The following CALHM2 variants were observed in gnomAD, a reference collection of about 807,000 sequenced individuals.
CALHM2 encodes the protein calcium homeostasis modulator protein 2.
Under a neutral mutation model 20.4 loss-of-function variants are expected in CALHM2, and 18 were observed. The ratio of observed to expected loss-of-function variants is 0.88; its 90% CI spans 0.61 to 1.31. CALHM2 has a LOEUF of 1.31. CALHM2 is among the 50% of genes most tolerant of loss of function. CALHM2 has a pLI of 0.00. For synonymous variants in CALHM2, 193 were observed against 192.1 expected, an observed-to-expected ratio of 1.00 and a Z score of -0.04; for missense variants, 411 against 435.7, an observed-to-expected ratio of 0.94 and a Z score of 0.50.
chr10:103,449,340 C>T, intron 3 of CALHM2, 47 bp downstream of exon 3: 1 of 1,561,824 alleles, frequency 6.4e-7, no homozygotes, highest in Non-Finnish European at 8.8e-7. Context: ...GGACCTCTCA[C>T]CAGCCACCAC....
chr10:103,451,802 T>C (rs183413174), intron 1 of CALHM2: 3 of 152,816 alleles, frequency 2.0e-5, no homozygotes, highest in Non-Finnish European at 2.9e-5. Context: ...TTTTCCCTTC[T>C]TGGCTTCTAG....
chr10:103,451,320 G>A (rs926018160), intron 1 of CALHM2, 35 bp from the exon 2 acceptor site: 6 of 152,518 alleles, frequency 3.9e-5, no homozygotes, highest in African/African-American at 1.4e-4. Flanking sequence ...GGGCAACAGC[G>A]AAGTTTAGCC....
chr10:103,447,398 G>T lies in CALHM2; in HGVS notation c.726C>A (p.Leu242=). The stretch of plus-strand genomic sequence containing the variant: ...AGAAGCGGCGCACATTGTTGGCAGC[G>T]AGCACCCGAGAGTGCACCTCGGCCG... ...QRTAEVHSRV[L]AANNVRRFFG... Residue 242 remains leucine, a synonymous_variant, in exon 4 of 4, where the codon CTC becomes CTA. Coordinates refer to ENST00000260743, the MANE Select transcript of CALHM2 (RefSeq NM_015916.5). 1 of 1,614,068 alleles carries T rather than the reference G, an allele frequency of 6.2e-7. No homozygotes were observed. Among genetic ancestry groups the T allele is most frequent in the Non-Finnish European group, 8.5e-7 (1 of 1,179,916 alleles).
At chr10:103,449,327 C>T (rs2032835954) in intron 3 of CALHM2, 60 bp downstream of exon 3, 2 of 1,472,984 alleles carry the variant, frequency 1.4e-6, no homozygotes, top group Non-Finnish European at 1.9e-6. Context: ...CTAGGCCATC[C>T]CCGGACCTCT....
intron 3 of CALHM2, among the ~76,000 whole-genome samples, chr10:103,448,548 C>T (rs533929310): frequency 2.0e-5 from 3 of 151,696 alleles, no homozygotes; most frequent in Non-Finnish European, 4.4e-5. Flanking sequence ...GGCGAAACCC[C>T]ATCTCTACTA....
chr10:103,447,450 G>T lies in CALHM2; in HGVS notation c.674C>A (p.Ala225Asp). ...RQEAYWAQYR[A>D]NEDQLFQRTA... ...GCGCTGGAACAGCTGGTCCTCATTG[G>T]CGCGGTACTGCGCCCAGTAGGCCTC... Residue 225 changes from alanine to aspartate, a missense_variant, in exon 4 of 4, where the codon GCC becomes GAC. By Grantham distance (126) the Ala-to-Asp change is moderately radical (BLOSUM62 -2). Transcript: ENST00000260743. The T allele has an allele frequency of 6.2e-7, 1 of 1,614,144 alleles. No homozygotes were observed. Among genetic ancestry groups the T allele is most frequent in the Non-Finnish European group, 8.5e-7 (1 of 1,179,988 alleles).
rs2032666108 is a variant in CALHM2, at chr10:103,447,080, G to C, written c.*72C>G. 1.4e-6 allele frequency: 2 copies of C among 1,418,810 alleles called. No individual in the cohort carries two copies. Among genetic ancestry groups the C allele is most frequent in the Admixed American group, 2.2e-5 (1 of 45,344 alleles). 87.9% of individuals were successfully genotyped at this position (1,418,810 alleles called of 1,614,324 possible). On this transcript the variant is annotated 3_prime_UTR_variant, in exon 4 of 4. Coordinates refer to ENST00000260743, the MANE Select transcript of CALHM2 (RefSeq NM_015916.5). Reference sequence around the variant, plus strand: ...TTTTTAAAAATCCCCTTCTGATATGGATGTGAGCAAGCAGTGGGGTTCAGT... The same window carrying C: ...TTTTTAAAAATCCCCTTCTGATATGCATGTGAGCAAGCAGTGGGGTTCAGT...
intron 2 of CALHM2, chr10:103,450,514 G>A (rs1329141215): frequency 1.3e-5 from 2 of 159,906 alleles, no homozygotes; most frequent in Non-Finnish European, 2.8e-5. Context: ...TCCAGGTGGC[G>A]CATATTAGCA....
In CALHM2 at chr10:103,449,860, C is replaced by T; in HGVS notation, c.82G>A (p.Val28Met). 1 of 1,613,236 alleles carries T rather than the reference C, an allele frequency of 6.2e-7. No homozygotes were observed. The highest frequency in any genetic ancestry group is 8.5e-7 in the Non-Finnish European group (1 of 1,179,998). The change falls in exon 3 of 4, where the codon GTG becomes ATG. Residue 28 changes from valine to methionine, a missense_variant. Val to Met is a conservative substitution (Grantham distance 21, BLOSUM62 1). Coordinates refer to ENST00000260743, the MANE Select transcript of CALHM2 (RefSeq NM_015916.5). The stretch of plus-strand genomic sequence containing the variant: ...TGGCTGCCCACCGTGCCCAGTGCCA[C>T]CAGGCCGTTGAAAATCATCACATCC... ...SKDVMIFNGLVALGTVGSQEL... is the reference protein window; with the variant it reads ...SKDVMIFNGLMALGTVGSQEL...
At chr10:103,449,190 T>C (rs2032827357) in intron 3 of CALHM2, 197 bp downstream of exon 3, 1 of 600,474 alleles carries the variant, frequency 1.7e-6, no homozygotes, top group Non-Finnish European at 3.0e-6. Flanking sequence ...AAAAAATTGA[T>C]AAAACTGTCT....
chr10:103,448,570 A>T (rs951023536), intron 3 of CALHM2, among the ~76,000 whole-genome samples: 2 of 151,628 alleles, frequency 1.3e-5, no homozygotes, highest in African/African-American at 4.8e-5. Context: ...AAATACAAAA[A>T]TTAGGTGGAT....
Position 103,447,294 on chromosome 10 carries a change from TGTGGCC to T in CALHM2, c.824_829del (p.Arg275_Pro276del). On this transcript the variant is annotated inframe_deletion, in exon 4 of 4. Coordinates refer to ENST00000260743, the MANE Select transcript of CALHM2 (RefSeq NM_015916.5). ...GTAGACGCCGGTGATGGCATTCCAC[TGTGGCC>T]GTGGCTGCGTGCCTTCCACTGGGAA... 1.2e-6 allele frequency: 2 copies of T among 1,614,270 alleles called. No homozygotes were observed. Among genetic ancestry groups the T allele is most frequent in the East Asian group, 2.2e-5 (1 of 44,892 alleles).
Position 103,447,193 on chromosome 10 carries a change from C to T in CALHM2, c.931G>A (p.Ala311Thr), listed in dbSNP as rs757715924. ...KWAQGLAGNGAAPDNVEMALL... is the reference protein window; with the variant it reads ...KWAQGLAGNGTAPDNVEMALL... ...GCCATCTCCACGTTGTCAGGGGCCG[C>T]GCCGTTGCCTGCCAGACCCTGGGCC... Residue 311 changes from alanine to threonine, a missense_variant, in exon 4 of 4, where the codon GCG (alanine) becomes ACG (threonine). By Grantham distance (58) the Ala-to-Thr change is moderately conservative. Transcript: ENST00000260743. 28 of 1,613,646 alleles carry T rather than the reference C, an allele frequency of 1.7e-5. No individual in the cohort carries two copies. Among genetic ancestry groups the T allele is most frequent in the East Asian group, 1.3e-4 (6 of 44,886 alleles).
In CALHM2 at chr10:103,449,765, C is replaced by T. The variant is rs754595150; in HGVS notation, c.177G>A (p.Ala59=). Residue 59 remains alanine (A), a synonymous_variant, in exon 3 of 4, where the codon GCG becomes GCA. Transcript: ENST00000260743. ...GCACCAGGGCGGGCACGCCGATGGC[C>T]GCCAGCCCGTACAGGTAGTTCCGGG... The part of the protein sequence containing the change: ...SPARNYLYGL[A]AIGVPALVLF... 48 of 1,613,426 alleles carry T rather than the reference C, an allele frequency of 3.0e-5. No individual in the cohort carries two copies. The highest frequency in any genetic ancestry group is 6.7e-5 in the East Asian group (3 of 44,882).
At chr10:103,451,048 T>A (rs2032953323) in intron 2 of CALHM2, 35 bp downstream of exon 2, 1 of 152,186 alleles carries the variant, frequency 6.6e-6, no homozygotes, top group South Asian at 2.1e-4. Context: ...GATTCTGCAC[T>A]AAGTGAACCC....
Position 103,452,271 on chromosome 10 carries a change from C to T in CALHM2, c.-477G>A, listed in dbSNP as rs992035559. 2.0e-5 allele frequency: 3 copies of T among 153,006 alleles called. No individual in the cohort carries two copies. The highest frequency in any genetic ancestry group is 7.2e-5 in the African/African-American group (3 of 41,476). 9.5% of individuals were successfully genotyped at this position (153,006 alleles called of 1,614,324 possible). A position where few individuals can be genotyped will look rare whatever the true frequency, so the allele number is the denominator to read the frequency against. ...GCCTCCGCCGTTCCCTCCCGCTTTT[C>T]TTCTGCACGGGGGCCTGGGGCTGGT... On this transcript the variant is annotated 5_prime_UTR_variant, in exon 1 of 4. Coordinates refer to ENST00000260743, the MANE Select transcript of CALHM2 (RefSeq NM_015916.5).
At chr10:103,449,329 C>G (rs760358527) in intron 3 of CALHM2, 58 bp downstream of exon 3, 1 of 1,490,076 alleles carries the variant, frequency 6.7e-7, no homozygotes, top group Non-Finnish European at 9.3e-7. Context: ...AGGCCATCCC[C>G]GGACCTCTCA....
chr10:103,447,072 CT>C lies in CALHM2; in HGVS notation c.*79del. 1 of 1,394,236 alleles carries C rather than the reference CT, an allele frequency of 7.2e-7. No homozygotes were observed. The highest frequency in any genetic ancestry group is 9.8e-7 in the Non-Finnish European group (1 of 1,023,456). The allele number at this position is 1,394,236 out of a possible 1,614,324, so 86.4% of individuals were successfully genotyped here. A position where few individuals can be genotyped will look rare whatever the true frequency, so the allele number is the denominator to read the frequency against. On this transcript the variant is annotated 3_prime_UTR_variant, in exon 4 of 4. Transcript: ENST00000260743. ...ATAACAGTTTTTTAAAAATCCCCTT[CT>C]GATATGGATGTGAGCAAGCAGTGGG... is the stretch of plus-strand genomic sequence containing the variant.
Position 103,449,938 on chromosome 10 carries a change from C to T in CALHM2, c.4G>A (p.Ala2Thr), listed in dbSNP as rs1449041742. The T allele has an allele frequency of 5.0e-6, 8 of 1,608,528 alleles. No homozygotes were observed. The highest frequency in any genetic ancestry group is 5.1e-6 in the Non-Finnish European group (6 of 1,176,576). The change falls in exon 3 of 4, where the codon GCA becomes ACA. Residue 2 changes from alanine (A) to threonine (T), a missense_variant. By Grantham distance (58) the Ala-to-Thr change is moderately conservative. Coordinates refer to ENST00000260743, the MANE Select transcript of CALHM2 (RefSeq NM_015916.5). MAALIAENFRFL... is the reference protein window; with the variant it reads MTALIAENFRFL... Reference sequence around the variant, plus strand: ...CGGAAGTTCTCTGCGATCAGGGCTGCCATGGCGATAGTCGTGGCGGGGTGG... The same window carrying T: ...CGGAAGTTCTCTGCGATCAGGGCTGTCATGGCGATAGTCGTGGCGGGGTGG...
Sources: gnomAD v4.1 joint callset for allele counts (sites outside exome capture counted in the v4.1 genomes callset) on GRCh38, gnomAD v4.1.1 for gene constraint, MANE v1.5 for transcripts, NCBI Gene and HGNC (gene_info 2026-07-23, HGNC 2026-07-21) for gene names.